Variants in EYS observed in about 807,000 individuals in gnomAD.
EYS encodes EGF-like photoreceptor maintenance factor.
A neutral mutation model predicts 282.1 loss-of-function variants in EYS; 250 were observed. The ratio of observed to expected loss-of-function variants is 0.89; its 90% confidence interval spans 0.80 to 0.98. The LOEUF is 0.98. EYS is among the 50% of genes least tolerant of loss of function. The probability of loss-of-function intolerance (pLI) is 0.00; values close to 1 mark genes in which losing one functional copy is unlikely to be tolerated. For synonymous variants in EYS, 1,355 were observed against 1,282.9 expected (o/e 1.06, Z -1.20); for missense variants, 4,016 against 3,709.0 (o/e 1.08, Z -2.15).
Position 64,812,882 on chromosome 6 carries a change from T to A in EYS, c.3443+496A>T, listed in dbSNP as rs535241889. On this transcript the variant is annotated intron_variant, in intron 22 of 42. Transcript: ENST00000503581. ...AAGGAAAAAAATTCATCTCCTAAAA[T>A]GTTTAAAACTATACCTTTAAAAAGT... Among the ~76,000 whole-genome samples, 340 of 152,174 alleles carry A rather than the reference T, an allele frequency of 2.2e-3. 6 individuals are homozygous for A. The highest frequency in any genetic ancestry group is 7.7e-3 in the African/African-American group (318 of 41,566).
chr6:64,259,648 G>GCA (rs1554223001), intron 30 of EYS, among the ~76,000 whole-genome samples: 3 of 63,248 alleles, frequency 4.7e-5, no homozygotes, highest in Non-Finnish European at 1.0e-4. Context: ...TTTTACACAC[G>GCA]CGCACACACA....
At chr6:64,955,037 G>A (rs1003765514) in intron 14 of EYS, among the ~76,000 whole-genome samples, 7 of 151,770 alleles carry the variant, frequency 4.6e-5, no homozygotes, top group African/African-American at 9.7e-5. Flanking sequence ...AAAATTAGCC[G>A]GGCATGGTGG....
At chr6:65,244,237 C>T (rs1018808526) in intron 12 of EYS, among the ~76,000 whole-genome samples, 2 of 152,116 alleles carry the variant, frequency 1.3e-5, no homozygotes, top group African/African-American at 2.4e-5. Context: ...TACGATATTT[C>T]TTTTAGTCGT....
At chr6:63,875,829 A>G (rs567868776) in intron 35 of EYS, among the ~76,000 whole-genome samples, 2 of 152,090 alleles carry the variant, frequency 1.3e-5, no homozygotes, top group East Asian at 3.9e-4. Context: ...CCCCTTTATC[A>G]TTTTTTATTG....
intron 12 of EYS, among the ~76,000 whole-genome samples, chr6:65,171,112 T>C (rs901223012): frequency 2.6e-5 from 4 of 151,548 alleles, no homozygotes; most frequent in Non-Finnish European, 5.9e-5. Flanking sequence ...GTACTAATTA[T>C]CTGTTACTTG....
intron 36 of EYS, among the ~76,000 whole-genome samples, chr6:63,846,497 C>T (rs1772101298): frequency 6.6e-6 from 1 of 152,210 alleles, no homozygotes; most frequent in Admixed American, 6.5e-5. Context: ...CAAAAATACC[C>T]TTGGCCACTT....
intron 19 of EYS, among the ~76,000 whole-genome samples, chr6:64,841,682 A>G (rs188137963): frequency 2.6e-5 from 4 of 152,282 alleles, no homozygotes; most frequent in Non-Finnish European, 5.9e-5. Context: ...CTCAATGGCC[A>G]ACTGTAAAAT....
intron 36 of EYS, among the ~76,000 whole-genome samples, chr6:63,815,442 AG>A (rs1771154178): frequency 6.6e-6 from 1 of 152,206 alleles, no homozygotes; most frequent in African/African-American, 2.4e-5. Context: ...GGCCACTGGT[AG>A]GTATTTTATG....
At chr6:65,567,530 G>A (rs1281798113) in intron 2 of EYS, among the ~76,000 whole-genome samples, 3 of 151,904 alleles carry the variant, frequency 2.0e-5, no homozygotes, top group Non-Finnish European at 4.4e-5. Context: ...CCAGATGATC[G>A]CTGAATGTCT....
At chr6:65,540,774 T>C (rs1178461073) in intron 2 of EYS, among the ~76,000 whole-genome samples, 1 of 151,628 alleles carries the variant, frequency 6.6e-6, no homozygotes, top group Non-Finnish European at 1.5e-5. Context: ...CAAAAAAAAA[T>C]TAGTCGAGTG....
At chr6:65,054,359 G>GTT (rs1158180465) in intron 13 of EYS, among the ~76,000 whole-genome samples, 1 of 151,876 alleles carries the variant, frequency 6.6e-6, no homozygotes, top group Non-Finnish European at 1.5e-5. Flanking sequence ...CTTTTCTCTA[G>GTT]TTTTTCAGGC....
intron 12 of EYS, among the ~76,000 whole-genome samples, chr6:65,102,725 G>C (rs1774929721): frequency 6.6e-6 from 1 of 150,990 alleles, no homozygotes; most frequent in South Asian, 2.1e-4. Flanking sequence ...AACTCTGCTG[G>C]CATATCATGA....
intron 2 of EYS, among the ~76,000 whole-genome samples, chr6:65,544,384 A>G (rs1368279953): frequency 6.6e-6 from 1 of 152,146 alleles, no homozygotes; most frequent in Non-Finnish European, 1.5e-5. Flanking sequence ...TCCTGTATAT[A>G]CTGTGATACG....
chr6:63,978,048 G>C (rs1302051994), intron 35 of EYS, among the ~76,000 whole-genome samples: 1 of 151,900 alleles, frequency 6.6e-6, no homozygotes, highest in African/African-American at 2.4e-5. Context: ...GGAACCTGCA[G>C]GATATTCCAG....
At chr6:65,610,573 T>G (rs1013438972) in intron 2 of EYS, among the ~76,000 whole-genome samples, 2 of 152,082 alleles carry the variant, frequency 1.3e-5, no homozygotes, top group Non-Finnish European at 2.9e-5. Flanking sequence ...CAGGGGAACA[T>G]CCTATATATA....
At chr6:65,345,015 G>T (rs147350109) in intron 9 of EYS, among the ~76,000 whole-genome samples, 1 of 151,692 alleles carries the variant, frequency 6.6e-6, no homozygotes, top group Non-Finnish European at 1.5e-5. Flanking sequence ...GACTCGCAAG[G>T]CATCATTTCT....
intron 12 of EYS, among the ~76,000 whole-genome samples, chr6:65,288,664 A>G (rs1768437730): frequency 1.3e-5 from 2 of 151,152 alleles, no homozygotes; most frequent in Non-Finnish European, 3.0e-5. Flanking sequence ...GGAATTTCAC[A>G]AATGTAGGAG....
At chr6:65,662,994 T>C (rs747905575) in intron 1 of EYS, among the ~76,000 whole-genome samples, 2 of 152,190 alleles carry the variant, frequency 1.3e-5, no homozygotes, top group Non-Finnish European at 2.9e-5. Context: ...TGTTAGGGTT[T>C]AGAGGGAGCG....
At chr6:63,885,862 A>G (rs1308544262) in intron 35 of EYS, among the ~76,000 whole-genome samples, 1 of 152,144 alleles carries the variant, frequency 6.6e-6, no homozygotes, top group Non-Finnish European at 1.5e-5. Flanking sequence ...AGATGTAATC[A>G]TTGGCTAGAC....
Sources: allele counts gnomAD v4.1 joint callset (sites outside exome capture counted in the v4.1 genomes callset), GRCh38; gene constraint gnomAD v4.1.1; transcripts MANE v1.5; gene names NCBI Gene and HGNC (gene_info 2026-07-23, HGNC 2026-07-21).